FHIT: variants seen among roughly 807,000 people sequenced by gnomAD.
The protein encoded by FHIT is fragile histidine triad diadenosine triphosphatase.
A neutral mutation model predicts 17.9 loss-of-function variants in FHIT; 19 were observed. The observed-to-expected ratio is 1.06, with a 90% CI of 0.74 to 1.56. The LOEUF (loss-of-function observed/expected upper bound fraction) is 1.56, where lower values mean the gene tolerates loss of function less well. FHIT is among the 40% of genes most tolerant of loss of function. The probability of loss-of-function intolerance (pLI) is 0.00; values close to 1 mark genes in which losing one functional copy is unlikely to be tolerated. For synonymous variants in FHIT, 81 were observed against 69.7 expected (o/e 1.16, Z -0.81); for missense variants, 248 against 189.2 (o/e 1.31, Z -1.82).
At chr3:60,827,415 C>G (rs534560546) in intron 3 of FHIT, among the ~76,000 whole-genome samples, 1 of 152,240 alleles carries the variant, frequency 6.6e-6, no homozygotes, top group Admixed American at 6.5e-5. Flanking sequence ...TACGTGTCAT[C>G]CTAAAAATGG....
chr3:60,296,166 A>C (rs1345229083), intron 5 of FHIT, among the ~76,000 whole-genome samples: 1 of 152,072 alleles, frequency 6.6e-6, no homozygotes, highest in African/African-American at 2.4e-5. Context: ...ATAAATTACC[A>C]ATCTTCGGTA....
intron 5 of FHIT, among the ~76,000 whole-genome samples, chr3:60,038,851 A>G (rs1308546902): frequency 1.3e-5 from 2 of 152,226 alleles, no homozygotes; most frequent in African/African-American, 4.8e-5. Flanking sequence ...AAAAAATAAG[A>G]CACATACAAT....
chr3:60,265,327 A>G (rs1169827832), intron 5 of FHIT, among the ~76,000 whole-genome samples: 4 of 152,046 alleles, frequency 2.6e-5, no homozygotes, highest in Admixed American at 2.0e-4. Context: ...ACAGAGAAAG[A>G]GTAGTCTTTT....
At chr3:60,106,378 GA>G (rs35909623) in intron 5 of FHIT, among the ~76,000 whole-genome samples, 1 of 151,956 alleles carries the variant, frequency 6.6e-6, no homozygotes, top group African/African-American at 2.4e-5. Context: ...ATGAAACTGG[GA>G]AAAAAAGAAA....
At chr3:60,035,297 CA>C (rs1405824921) in intron 5 of FHIT, among the ~76,000 whole-genome samples, 3 of 152,218 alleles carry the variant, frequency 2.0e-5, no homozygotes, top group Admixed American at 2.0e-4. Flanking sequence ...AGTGCAATGG[CA>C]CAGTCTCTGC....
chr3:59,765,292 A>C (rs1306605908), intron 8 of FHIT, among the ~76,000 whole-genome samples: 2 of 152,268 alleles, frequency 1.3e-5, no homozygotes, highest in South Asian at 4.1e-4. Context: ...GTATCTATGT[A>C]AAGGTCCAGA....
chr3:61,224,744 C>T (rs1326231401), intron 1 of FHIT, among the ~76,000 whole-genome samples: 1 of 152,120 alleles, frequency 6.6e-6, no homozygotes, highest in East Asian at 1.9e-4. Context: ...GATACCAGAA[C>T]ATTAAGCACT....
chr3:61,028,774 T>G (rs1276852184), intron 3 of FHIT, among the ~76,000 whole-genome samples: 1 of 151,796 alleles, frequency 6.6e-6, no homozygotes, highest in Non-Finnish European at 1.5e-5. Context: ...CCTACTACTG[T>G]GATGGTTGTT....
intron 7 of FHIT, among the ~76,000 whole-genome samples, chr3:59,965,560 C>T (rs1411594338): frequency 6.6e-6 from 1 of 152,086 alleles, no homozygotes; most frequent in Non-Finnish European, 1.5e-5. Context: ...TTTGTCTTAA[C>T]AAATCCATGA....
intron 5 of FHIT, among the ~76,000 whole-genome samples, chr3:60,466,782 A>G (rs1401256491): frequency 6.8e-6 from 1 of 146,498 alleles, no homozygotes; most frequent in Non-Finnish European, 1.5e-5. Flanking sequence ...TATTTTGTTG[A>G]GGATTTTTGC....
chr3:59,967,269 A>G (rs1707970735), intron 7 of FHIT, among the ~76,000 whole-genome samples: 1 of 152,202 alleles, frequency 6.6e-6, no homozygotes, highest in Admixed American at 6.5e-5. Flanking sequence ...AATAATAAAT[A>G]CACTCTAAAA....
Position 60,389,176 on chromosome 3 carries a change from G to C in FHIT, c.103+147684C>G, listed in dbSNP as rs150687789. Among the ~76,000 whole-genome samples the C allele has an allele frequency of 3.3e-3, 507 of 152,272 alleles. 1 individual carries two copies. The highest frequency in any genetic ancestry group is 0.012 in the African/African-American group (487 of 41,556). The stretch of plus-strand genomic sequence containing the variant: ...CTCTGCACCACTTGGGAGTGTCTTA[G>C]AAATGTGTATTCTCAGGCTTTATCC... On this transcript the variant is annotated intron_variant, in intron 5 of 9. Coordinates refer to ENST00000492590, the MANE Select transcript of FHIT (RefSeq NM_002012.4).
chr3:61,122,428 T>A lies in FHIT; in HGVS notation c.-164+78189A>T, dbSNP rs2036485994. ...TAGAAGAAAACCTAGGCAATACCATTCAGGACATAAACATGGGCAAAGACT... is the reference window on the plus strand; with the variant it reads ...TAGAAGAAAACCTAGGCAATACCATACAGGACATAAACATGGGCAAAGACT... On this transcript the variant is annotated intron_variant, in intron 2 of 9. Transcript: ENST00000492590. Among the ~76,000 whole-genome samples, 3 of 152,082 alleles carry A rather than the reference T, an allele frequency of 2.0e-5. No homozygotes were observed. The South Asian group carries it at 6.2e-4, about 32-fold the overall frequency.
chr3:59,944,129 T>C (rs573745051), intron 7 of FHIT, among the ~76,000 whole-genome samples: 9 of 152,202 alleles, frequency 5.9e-5, no homozygotes, highest in Middle Eastern at 3.2e-3. Context: ...AGGTACAAAA[T>C]AGTACAGAGA....
intron 5 of FHIT, among the ~76,000 whole-genome samples, chr3:60,477,739 A>C (rs578191577): frequency 1.3e-5 from 2 of 152,226 alleles, no homozygotes; most frequent in African/African-American, 4.8e-5. Context: ...ACAAACTTGC[A>C]TTTGTCTCAG....
chr3:60,797,767 TTTAA>T (rs1439929413), intron 4 of FHIT, among the ~76,000 whole-genome samples: 6 of 151,376 alleles, frequency 4.0e-5, no homozygotes, highest in Admixed American at 2.6e-4. Context: ...TTTAATAAGA[TTTAA>T]TTAAAGTGTC....
intron 4 of FHIT, among the ~76,000 whole-genome samples, chr3:60,820,251 T>C (rs2106762040): frequency 6.6e-6 from 1 of 152,248 alleles, no homozygotes; most frequent in Admixed American, 6.5e-5. Context: ...GAGGTTGCGG[T>C]TAGCTGAGAT....
intron 5 of FHIT, among the ~76,000 whole-genome samples, chr3:60,343,830 G>C (rs1710641549): frequency 6.6e-6 from 1 of 152,108 alleles, no homozygotes; most frequent in African/African-American, 2.4e-5. Flanking sequence ...ATTTTTGACA[G>C]AAACTAACTT....
At chr3:60,297,184 T>A (rs1167652900) in intron 5 of FHIT, among the ~76,000 whole-genome samples, 1 of 152,060 alleles carries the variant, frequency 6.6e-6, no homozygotes, top group African/African-American at 2.4e-5. Flanking sequence ...TAAAAATTGT[T>A]GCTGATATTT....
Sources: allele counts gnomAD v4.1 joint callset (sites outside exome capture counted in the v4.1 genomes callset), GRCh38; gene constraint gnomAD v4.1.1; transcripts MANE v1.5; gene names NCBI Gene and HGNC (gene_info 2026-07-23, HGNC 2026-07-21).